The following CCDC18 variants were observed in gnomAD, a reference collection of about 807,000 sequenced individuals.
CCDC18 encodes the protein coiled-coil domain containing 18, also known as coiled-coil domain-containing protein 18.
In CCDC18, 157 loss-of-function variants were observed where a neutral mutation model predicts 196.0. That is an observed-to-expected ratio of 0.80 (90% CI 0.70 to 0.91). The LOEUF is 0.91. CCDC18 is among the 40% of genes least tolerant of loss of function. The pLI, the probability that CCDC18 is intolerant of heterozygous loss-of-function variation, is 0.00. For synonymous variants in CCDC18, 482 were observed against 529.2 expected (o/e 0.91, Z 1.22); for missense variants, 1,465 against 1,611.6 (o/e 0.91, Z 1.56).
At chr1:93,234,985 T>C (rs1016570689) in intron 18 of CCDC18, among the ~76,000 whole-genome samples, 6 of 122,536 alleles carry the variant, frequency 4.9e-5, no homozygotes, top group Non-Finnish European at 6.9e-5. Flanking sequence ...CTTTTCTTTT[T>C]TTTTCTTTTT....
chr1:93,186,709 C>T (rs1650740271), intron 4 of CCDC18, among the ~76,000 whole-genome samples: 1 of 151,860 alleles, frequency 6.6e-6, no homozygotes, highest in South Asian at 2.1e-4. Context: ...ACAGTTTTTG[C>T]ATTTAGATAA....
chr1:93,260,337 T>C (rs1160307671), intron 26 of CCDC18, among the ~76,000 whole-genome samples: 4 of 152,158 alleles, frequency 2.6e-5, no homozygotes, highest in Non-Finnish European at 5.9e-5. Context: ...TAAGCCAAGA[T>C]CGCGCCATTG....
intron 25 of CCDC18, 47 bp from the exon 26 acceptor site, chr1:93,258,701 C>T (rs1309963691): frequency 4.1e-6 from 6 of 1,448,666 alleles, no homozygotes; most frequent in Non-Finnish European, 5.5e-6. Flanking sequence ...GCTATAATAA[C>T]CAAATAAACA....
intron 21 of CCDC18, 35 bp from the exon 22 acceptor site, chr1:93,246,070 A>G: frequency 1.4e-6 from 2 of 1,443,102 alleles, no homozygotes; most frequent in Middle Eastern, 1.8e-4. Flanking sequence ...CTCTTCTACT[A>G]TCTGCTTTGA....
chr1:93,267,140 A>G (rs1250922801), intron 27 of CCDC18, among the ~76,000 whole-genome samples: 2 of 152,262 alleles, frequency 1.3e-5, no homozygotes, highest in African/African-American at 2.4e-5. Flanking sequence ...CTGGTTCAAC[A>G]TACGCAAATC....
At chr1:93,215,672 T>G (rs1047750342) in intron 12 of CCDC18, among the ~76,000 whole-genome samples, 2 of 152,092 alleles carry the variant, frequency 1.3e-5, no homozygotes, top group Non-Finnish European at 2.9e-5. Context: ...TGCCCAGGCT[T>G]GCCTCGAACT....
At chr1:93,254,676 T>C (rs1662702042) in intron 24 of CCDC18, 62 bp downstream of exon 24, 1 of 1,481,324 alleles carries the variant, frequency 6.8e-7, no homozygotes. Flanking sequence ...AATGAATCTT[T>C]ATGTTTTAAA....
chr1:93,238,336 TAAA>T (rs1019584394), intron 19 of CCDC18, among the ~76,000 whole-genome samples: 1 of 152,216 alleles, frequency 6.6e-6, no homozygotes, highest in African/African-American at 2.4e-5. Context: ...GAGGATCTGG[TAAA>T]AAGCTTTAGC....
chr1:93,210,650 A>G, intron 9 of CCDC18, 152 bp from the exon 10 acceptor site: 1 of 536,396 alleles, frequency 1.9e-6, no homozygotes, highest in Non-Finnish European at 3.3e-6. Flanking sequence ...AATTATCTTA[A>G]TATTTCTTAA....
intron 5 of CCDC18, among the ~76,000 whole-genome samples, chr1:93,192,806 A>G (rs113209742): frequency 6.6e-6 from 1 of 152,184 alleles, no homozygotes; most frequent in South Asian, 2.1e-4. Context: ...ATTAAATAAC[A>G]TATTACTCTG....
At chr1:93,190,217 C>T (rs1002646115) in intron 4 of CCDC18, among the ~76,000 whole-genome samples, 2 of 152,112 alleles carry the variant, frequency 1.3e-5, no homozygotes, top group African/African-American at 2.4e-5. Flanking sequence ...GGGCCGGGCA[C>T]GGCGGCTCAC....
chr1:93,183,479 G>T lies in CCDC18; in HGVS notation c.118G>T (p.Gly40Trp). The T allele has an allele frequency of 6.3e-7, 1 of 1,594,778 alleles. No homozygotes were observed. The highest frequency in any genetic ancestry group is 1.2e-5 in the South Asian group (1 of 86,374). The stretch of plus-strand genomic sequence containing the variant: ...AACAGAATGGAGTTTGCAGAGTTTA[G>T]GGGAAGAGTTATCCAGGTAAGTAAG... ...KITEWSLQSL[G>W]EELSSVSPSE... Residue 40 changes from glycine (G) to tryptophan (W), a missense_variant, in exon 2 of 29, where the codon GGG becomes TGG. Coordinates refer to ENST00000690025, the MANE Select transcript of CCDC18 (RefSeq NM_001378204.1).
intron 19 of CCDC18, among the ~76,000 whole-genome samples, chr1:93,237,562 A>T (rs1356572445): frequency 6.6e-6 from 1 of 152,152 alleles, no homozygotes; most frequent in African/African-American, 2.4e-5. Flanking sequence ...TCCCCTAAGG[A>T]CATTGCTTCT....
chr1:93,265,925 A>C (rs1032264399), intron 27 of CCDC18, among the ~76,000 whole-genome samples: 2 of 152,242 alleles, frequency 1.3e-5, no homozygotes, highest in African/African-American at 4.8e-5. Context: ...ACTTGAACTC[A>C]GCTCTGCACC....
At chr1:93,234,072 G>T (rs1034904291) in intron 18 of CCDC18, among the ~76,000 whole-genome samples, 5 of 152,060 alleles carry the variant, frequency 3.3e-5, no homozygotes, top group African/African-American at 9.7e-5. Context: ...TTGCAGGATT[G>T]ATTATGATTC....
intron 28 of CCDC18, among the ~76,000 whole-genome samples, chr1:93,276,385 A>T (rs1181922607): frequency 6.6e-6 from 1 of 152,188 alleles, no homozygotes; most frequent in African/African-American, 2.4e-5. Flanking sequence ...GAGACTTCAT[A>T]TTAACTCCTA....
At chr1:93,197,187 A>T (rs1652866602) in intron 6 of CCDC18, among the ~76,000 whole-genome samples, 1 of 152,202 alleles carries the variant, frequency 6.6e-6, no homozygotes, top group South Asian at 2.1e-4. Flanking sequence ...AAAGATAAGG[A>T]TGAAATGGAT....
At chr1:93,261,147 C>T (rs1663729892) in intron 26 of CCDC18, among the ~76,000 whole-genome samples, 1 of 152,092 alleles carries the variant, frequency 6.6e-6, no homozygotes, top group Admixed American at 6.6e-5. Flanking sequence ...AATGGGATGG[C>T]TGGGTCAAAT....
Position 93,207,309 on chromosome 1 carries a change from C to T in CCDC18, c.1120C>T (p.Gln374Ter), listed in dbSNP as rs1341547538. The T allele has an allele frequency of 5.6e-6, 9 of 1,613,178 alleles. No homozygotes were observed. The Admixed American group carries it at 6.7e-5, about 12-fold the overall frequency. ...NRELKVRVAA[Q>*]NERLDLCQQE... ...AGAATTAAAGGTCCGTGTTGCAGCA[C>T]AGAATGAGCGACTAGATTTATGTCA... Residue 374 changes from glutamine (Q) to a stop codon, truncating the protein, a stop_gained, in exon 9 of 29, where the codon CAG becomes TAG. Transcript: ENST00000690025. LOFTEE classifies it high-confidence loss of function.
Sources: gnomAD v4.1 joint callset for allele counts (sites outside exome capture counted in the v4.1 genomes callset) on GRCh38, gnomAD v4.1.1 for gene constraint, MANE v1.5 for transcripts, NCBI Gene and HGNC (gene_info 2026-07-23, HGNC 2026-07-21) for gene names.